Variants in TOMM40L observed in about 807,000 individuals in gnomAD.
TOMM40L encodes mitochondrial import receptor subunit TOM40B.
A neutral mutation model predicts 38.3 loss-of-function variants in TOMM40L; 17 were observed. The observed-to-expected ratio is 0.44, with a 90% CI of 0.30 to 0.67. The LOEUF (loss-of-function observed/expected upper bound fraction) is 0.67, where lower values mean the gene tolerates loss of function less well. Among genes scored for constraint, TOMM40L ranks in the 30% least tolerant of loss-of-function variants. The probability of loss-of-function intolerance (pLI) is 0.08; values close to 1 mark genes in which losing one functional copy is unlikely to be tolerated. For synonymous variants in TOMM40L, 151 were observed against 150.2 expected (o/e 1.01, Z -0.04); for missense variants, 294 against 390.0 (o/e 0.75, Z 2.07).
chr1:161,229,260 G>A lies in TOMM40L; in HGVS notation c.*165G>A. The A allele has an allele frequency of 1.0e-6, 1 of 969,572 alleles. No homozygotes were observed. The highest frequency in any genetic ancestry group is 2.6e-5 in the East Asian group (1 of 38,262). The allele number at this position is 969,572 out of a possible 1,614,324, so 60.1% of individuals were successfully genotyped here. On this transcript the variant is annotated 3_prime_UTR_variant, in exon 10 of 10. Coordinates refer to ENST00000367988, the MANE Select transcript of TOMM40L (RefSeq NM_032174.6). ...CCTCCTCAGAACTGGAGCTGCCACA[G>A]GGGCAGTTGATGAGGCAGAGGTTTG...
intron 9 of TOMM40L, 52 bp downstream of exon 9, chr1:161,228,869 G>T: frequency 6.2e-7 from 1 of 1,613,502 alleles, no homozygotes; most frequent in East Asian, 2.2e-5. Flanking sequence ...GGGATGCAGA[G>T]GAGGGAGGGA....
chr1:161,226,328 T>A, intron 1 of TOMM40L, 27 bp from the exon 2 acceptor site: 1 of 624,580 alleles, frequency 1.6e-6, no homozygotes, highest in Non-Finnish European at 2.8e-6. Flanking sequence ...CCATGAGTGC[T>A]CTCCTTCCCT....
chr1:161,227,712 G>T lies in TOMM40L; in HGVS notation c.353G>T (p.Arg118Leu), dbSNP rs1312876105. 6.2e-7 allele frequency: 1 copy of T among 1,613,248 alleles called. No individual in the cohort carries two copies. The highest frequency in any genetic ancestry group is 1.3e-5 in the African/African-American group (1 of 74,888). The change falls in exon 5 of 10, where the codon CGG becomes CTG. Residue 118 changes from arginine to leucine, a missense_variant. Physicochemically the swap from Arg to Leu is moderately radical, Grantham distance 102. Transcript: ENST00000367988. Reference sequence around the variant, plus strand: ...CAGGTCTTGCTCCTCTTGGCAGAGCGGCTCCGAGCTAAGGCTGTCTTCCAG... The same window carrying T: ...CAGGTCTTGCTCCTCTTGGCAGAGCTGCTCCGAGCTAAGGCTGTCTTCCAG... ...NAQVLLLLAERLRAKAVFQTQ... is the reference protein window; with the variant it reads ...NAQVLLLLAELLRAKAVFQTQ...
In TOMM40L at chr1:161,228,963, G is replaced by T; in HGVS notation, c.795G>T (p.Val265=). 6.2e-7 allele frequency: 1 copy of T among 1,614,222 alleles called. No homozygotes were observed. The highest frequency in any genetic ancestry group is 8.5e-7 in the Non-Finnish European group (1 of 1,180,044). The change falls in exon 10 of 10, where the codon GTG becomes GTT. Residue 265 remains valine (V), a synonymous_variant. Transcript: ENST00000367988. ...TATTCTCTCCCCCAACAGGCTTGGT[G>T]GATAGTAACTGGTGTGTAGGTGCTG... ...PQANMVFRGL[V]DSNWCVGAVL...
In TOMM40L at chr1:161,229,684, A is replaced by C. The variant is rs971545687; in HGVS notation, c.*589A>C. 1 of 1,614,020 alleles carries C rather than the reference A, an allele frequency of 6.2e-7. No homozygotes were observed. The highest frequency in any genetic ancestry group is 8.5e-7 in the Non-Finnish European group (1 of 1,179,946). On this transcript the variant is annotated 3_prime_UTR_variant, in exon 10 of 10. Coordinates refer to ENST00000367988, the MANE Select transcript of TOMM40L (RefSeq NM_032174.6). ...GAGGCAGTTATTGCTTTAGTCTTTC[A>C]TTGCAACCACTGGGCTCCCTTTGAA...
chr1:161,230,701 A>G lies in TOMM40L; in HGVS notation c.*1606A>G, dbSNP rs1176070165. The G allele has an allele frequency of 6.9e-7, 1 of 1,453,402 alleles. No homozygotes were observed. The highest frequency in any genetic ancestry group is 1.2e-5 in the South Asian group (1 of 82,760). 90.0% of individuals were successfully genotyped at this position (1,453,402 alleles called of 1,614,324 possible). Reference sequence around the variant, plus strand: ...AGGGGGAAGGACTAGACCCCACGATACCTGAATTCCCTAAGGAAAGGACAG... The same window carrying G: ...AGGGGGAAGGACTAGACCCCACGATGCCTGAATTCCCTAAGGAAAGGACAG... On this transcript the variant is annotated 3_prime_UTR_variant, in exon 10 of 10. Coordinates refer to ENST00000367988, the MANE Select transcript of TOMM40L (RefSeq NM_032174.6).
rs1248512656 is a variant in TOMM40L, at chr1:161,226,076, GC to G, written c.-191del. 2 of 162,952 alleles carry G rather than the reference GC, an allele frequency of 1.2e-5. No homozygotes were observed. The highest frequency in any genetic ancestry group is 2.7e-5 in the Non-Finnish European group (2 of 74,690). The allele number at this position is 162,952 out of a possible 1,614,324, so 10.1% of individuals were successfully genotyped here. A position where few individuals can be genotyped will look rare whatever the true frequency, so the allele number is the denominator to read the frequency against. On this transcript the variant is annotated 5_prime_UTR_variant, in exon 1 of 10. The change creates a premature stop within an existing upstream ORF in the 5' untranslated region. Transcript: ENST00000367988. ...AGTTCTGCCATCACTCAAGATGGCT[GC>G]CCCCATCAAGATGACCGGGGTGTGC...
At position 161,228,732 on chromosome 1, in the gene TOMM40L, G is replaced by A. The variant is rs748405998; in HGVS notation, c.702G>A (p.Glu234=). The A allele has an allele frequency of 1.2e-6, 2 of 1,614,152 alleles. No homozygotes were observed. The highest frequency in any genetic ancestry group is 1.3e-5 in the African/African-American group (1 of 75,016). ...RANEQVQVGV[E]FEANTRLQDT... ...GTTCTCAGGTTCAGGTTGGAGTGGA[G>A]TTTGAGGCAAACACAAGGCTACAAG... Residue 234 remains glutamate (E), a synonymous_variant, in exon 9 of 10, where the codon GAG becomes GAA. Transcript: ENST00000367988.
Position 161,229,177 on chromosome 1 carries a change from G to T in TOMM40L, c.*82G>T. The T allele has an allele frequency of 6.3e-7, 1 of 1,597,932 alleles. No individual in the cohort carries two copies. The highest frequency in any genetic ancestry group is 8.5e-7 in the Non-Finnish European group (1 of 1,169,670). ...GCCAAAGACTAGGCCCCTCTTCAGA[G>T]CCCACCTTGCTGGGTGATCTCTAGG... On this transcript the variant is annotated 3_prime_UTR_variant, in exon 10 of 10. Transcript: ENST00000367988.
In TOMM40L at chr1:161,228,704, A is replaced by G. The variant is rs1016487668; in HGVS notation, c.685-11A>G. The G allele has an allele frequency of 1.2e-6, 2 of 1,614,014 alleles. No homozygotes were observed. The highest frequency in any genetic ancestry group is 1.7e-6 in the Non-Finnish European group (2 of 1,179,930). On this transcript the variant is annotated splice_polypyrimidine_tract_variant and intron_variant, in intron 8 of 9. Coordinates refer to ENST00000367988, the MANE Select transcript of TOMM40L (RefSeq NM_032174.6). The stretch of plus-strand genomic sequence containing the variant: ...ACTGATCTCTCTCTCATCCTTGCCC[A>G]TGGTTCTCAGGTTCAGGTTGGAGTG...
At chr1:161,228,345 G>T in intron 7 of TOMM40L, 37 bp downstream of exon 7, 1 of 1,609,272 alleles carries the variant, frequency 6.2e-7, no homozygotes, top group Non-Finnish European at 8.5e-7. Context: ...GTGGTGGGGG[G>T]CAATTCTGGA....
intron 4 of TOMM40L, 46 bp from the exon 5 acceptor site, chr1:161,227,590 T>C: frequency 6.5e-7 from 1 of 1,530,522 alleles, no homozygotes; most frequent in South Asian, 1.1e-5. Flanking sequence ...TTAGGCTGAG[T>C]GGTGCCATCC....
At position 161,229,845 on chromosome 1, in the gene TOMM40L, G is replaced by A. The variant is rs1310834177; in HGVS notation, c.*750G>A. ...GCGGCATCATGGCAGACAGGCCCTG[G>A]ATGTGCTGGATTTGGTACCCGTAGG... is the stretch of plus-strand genomic sequence containing the variant. On this transcript the variant is annotated 3_prime_UTR_variant, in exon 10 of 10. Coordinates refer to ENST00000367988, the MANE Select transcript of TOMM40L (RefSeq NM_032174.6). 4 of 1,614,092 alleles carry A rather than the reference G, an allele frequency of 2.5e-6. No homozygotes were observed. The highest frequency in any genetic ancestry group is 1.3e-5 in the African/African-American group (1 of 74,936).
At chr1:161,228,125 G>A (rs1402867838) in intron 6 of TOMM40L, 61 bp from the exon 7 acceptor site, 32 of 1,576,392 alleles carry the variant, frequency 2.0e-5, no homozygotes, top group Non-Finnish European at 2.7e-5. Context: ...TATTGGGAGT[G>A]AGGGAGCAGG....
rs1343424082 is a variant in TOMM40L at position 161,229,130 on chromosome 1, C to G, written c.*35C>G. The stretch of plus-strand genomic sequence containing the variant: ...GAGCCAGCCCCCACAGCAGCTGGAA[C>G]CTCTGAGTCAGGTGCCCTAGGGCCA... On this transcript the variant is annotated 3_prime_UTR_variant, in exon 10 of 10. Transcript: ENST00000367988. 5 of 1,614,004 alleles carry G rather than the reference C, an allele frequency of 3.1e-6. No individual in the cohort carries two copies. In the African/African-American group the frequency reaches 6.7e-5, roughly 22 times the overall value.
chr1:161,229,942 T>A lies in TOMM40L; in HGVS notation c.*847T>A. Reference sequence around the variant, plus strand: ...ATACAGAAACCTTTGGAGGAAGTAGTGGGGTTGCCAGGAAAACAGGAGGGA... The same window carrying A: ...ATACAGAAACCTTTGGAGGAAGTAGAGGGGTTGCCAGGAAAACAGGAGGGA... On this transcript the variant is annotated 3_prime_UTR_variant, in exon 10 of 10. Coordinates refer to ENST00000367988, the MANE Select transcript of TOMM40L (RefSeq NM_032174.6). 6.2e-7 allele frequency: 1 copy of A among 1,613,918 alleles called. No homozygotes were observed. The highest frequency in any genetic ancestry group is 8.5e-7 in the Non-Finnish European group (1 of 1,179,936).
In TOMM40L at chr1:161,229,589, C is replaced by T; in HGVS notation, c.*494C>T. 6.4e-7 allele frequency: 1 copy of T among 1,556,826 alleles called. No homozygotes were observed. The highest frequency in any genetic ancestry group is 8.7e-7 in the Non-Finnish European group (1 of 1,143,494). ...TCTTAGCCCTGAGGTTTCCTCCTTCCCATCTTCTGTGCTTCCAGAGAACAA... is the reference window on the plus strand; with the variant it reads ...TCTTAGCCCTGAGGTTTCCTCCTTCTCATCTTCTGTGCTTCCAGAGAACAA... On this transcript the variant is annotated 3_prime_UTR_variant, in exon 10 of 10. Transcript: ENST00000367988.
At position 161,230,001 on chromosome 1, in the gene TOMM40L, T is replaced by G; in HGVS notation, c.*906T>G. On this transcript the variant is annotated 3_prime_UTR_variant, in exon 10 of 10. Transcript: ENST00000367988. ...AGTTGGGAGTCTTGTCTCTAGGCCCTGATCCCCTGAACTATTCCTCAGTGA... is the reference window on the plus strand; with the variant it reads ...AGTTGGGAGTCTTGTCTCTAGGCCCGGATCCCCTGAACTATTCCTCAGTGA... The G allele has an allele frequency of 6.4e-7, 1 of 1,551,198 alleles. No homozygotes were observed. The highest frequency in any genetic ancestry group is 2.2e-5 in the East Asian group (1 of 44,526).
chr1:161,227,085 T>C, intron 3 of TOMM40L, 130 bp downstream of exon 3: 1 of 1,252,356 alleles, frequency 8.0e-7, no homozygotes, highest in Non-Finnish European at 1.1e-6. Flanking sequence ...GGGGTTCTCT[T>C]TACCTCCGTG....
Sources: gnomAD v4.1 joint callset for allele counts on GRCh38, gnomAD v4.1.1 for gene constraint, MANE v1.5 for transcripts, NCBI Gene and HGNC (gene_info 2026-07-23, HGNC 2026-07-21) for gene names.